Variants in PPIP5K2 observed in about 807,000 individuals in gnomAD.
PPIP5K2 encodes diphosphoinositol pentakisphosphate kinase 2, also known as inositol hexakisphosphate and diphosphoinositol-pentakisphosphate kinase 2.
Under a neutral mutation model 154.6 loss-of-function variants are expected in PPIP5K2, and 105 were observed. That is an observed-to-expected ratio of 0.68 (90% CI 0.58 to 0.80). PPIP5K2 has a LOEUF of 0.80. Among genes scored for constraint, PPIP5K2 ranks in the 30% least tolerant of loss-of-function variants. The probability of loss-of-function intolerance (pLI) is 0.00; values close to 1 mark genes in which losing one functional copy is unlikely to be tolerated. For synonymous variants in PPIP5K2, 480 were observed against 490.3 expected (o/e 0.98, Z 0.28); for missense variants, 992 against 1,504.6 (o/e 0.66, Z 5.64).
chr5:103,127,292 C>T (rs1789857042), intron 1 of PPIP5K2, among the ~76,000 whole-genome samples: 1 of 152,158 alleles, frequency 6.6e-6, no homozygotes, highest in African/African-American at 2.4e-5. Flanking sequence ...CATTTCCTAT[C>T]ATTGCCATTC....
At position 103,190,736 on chromosome 5, in the gene PPIP5K2, G is replaced by A. The variant is rs111661688; in HGVS notation, c.3353-106G>A. 20 of 1,017,528 alleles carry A rather than the reference G, an allele frequency of 2.0e-5. No individual in the cohort carries two copies. The African/African-American group carries it at 2.2e-4, about 11-fold the overall frequency. 63.0% of individuals were successfully genotyped at this position (1,017,528 alleles called of 1,614,324 possible). A position where few individuals can be genotyped will look rare whatever the true frequency, so the allele number is the denominator to read the frequency against. On this transcript the variant is annotated intron_variant, in intron 28 of 30. Coordinates refer to ENST00000358359, the MANE Select transcript of PPIP5K2 (RefSeq NM_001276277.3). ...ATTGTGTGTTTGCATGTGATAGACT[G>A]AAAAGACCTAAACTGTCCAGTTCTA...
intron 1 of PPIP5K2, among the ~76,000 whole-genome samples, chr5:103,126,841 G>A (rs782805990): frequency 2.0e-5 from 3 of 149,840 alleles, no homozygotes; most frequent in Non-Finnish European, 3.0e-5. Context: ...TGCCTTTCCC[G>A]GAACACTGAC....
chr5:103,141,277 G>C (rs928572983), intron 5 of PPIP5K2, among the ~76,000 whole-genome samples: 1 of 151,906 alleles, frequency 6.6e-6, no homozygotes, highest in African/African-American at 2.4e-5. Context: ...TGTCCCTTCC[G>C]ATGTTCAGAT....
chr5:103,185,967 A>T, intron 26 of PPIP5K2, among the ~76,000 whole-genome samples: 1 of 150,784 alleles, frequency 6.6e-6, no homozygotes, highest in South Asian at 2.1e-4. Flanking sequence ...TTGCCCTTGG[A>T]AATTGATTAA....
intron 2 of PPIP5K2, among the ~76,000 whole-genome samples, chr5:103,130,775 T>C (rs997142502): frequency 6.6e-6 from 1 of 152,164 alleles, no homozygotes; most frequent in Admixed American, 6.5e-5. Flanking sequence ...GAAAGCACTA[T>C]TGACTCAGCC....
At chr5:103,138,189 A>T (rs1299381758) in intron 4 of PPIP5K2, among the ~76,000 whole-genome samples, 195 bp from the exon 5 acceptor site, 1 of 152,170 alleles carries the variant, frequency 6.6e-6, no homozygotes, top group African/African-American at 2.4e-5. Flanking sequence ...TTGTGTTCTT[A>T]TTGCTGAATA....
intron 30 of PPIP5K2, among the ~76,000 whole-genome samples, chr5:103,198,086 C>G (rs1554229155): frequency 6.6e-6 from 1 of 151,962 alleles, no homozygotes; most frequent in East Asian, 1.9e-4. Context: ...ATTGTATTTT[C>G]ATTATCATTC....
intron 19 of PPIP5K2, among the ~76,000 whole-genome samples, chr5:103,172,164 A>G (rs1798074084): frequency 6.6e-6 from 1 of 151,508 alleles, no homozygotes; most frequent in Admixed American, 6.6e-5. Flanking sequence ...TAATTCCAAC[A>G]TTTTTCTTTT....
At chr5:103,129,958 CA>C (rs1790345295) in intron 2 of PPIP5K2, among the ~76,000 whole-genome samples, 1 of 151,952 alleles carries the variant, frequency 6.6e-6, no homozygotes, top group African/African-American at 2.4e-5. Flanking sequence ...ACAAAAGTGG[CA>C]AAGAGAAACA....
At chr5:103,153,772 A>G (rs1794991770) in intron 10 of PPIP5K2, 76 bp from the exon 11 acceptor site, 1 of 978,940 alleles carries the variant, frequency 1.0e-6, no homozygotes, top group African/African-American at 1.7e-5. Flanking sequence ...AGATGACTAA[A>G]TGTTCATATT....
intron 23 of PPIP5K2, among the ~76,000 whole-genome samples, chr5:103,178,997 G>A (rs1554221804): frequency 6.6e-6 from 1 of 151,558 alleles, no homozygotes; most frequent in African/African-American, 2.4e-5. Flanking sequence ...TTTATAGCTA[G>A]CAAACTTATA....
At chr5:103,156,990 T>A (rs1375966840) in intron 14 of PPIP5K2, among the ~76,000 whole-genome samples, 1 of 152,166 alleles carries the variant, frequency 6.6e-6, no homozygotes, top group Admixed American at 6.5e-5. Flanking sequence ...GTTAATTTTC[T>A]ATATCTTAGT....
In PPIP5K2 at chr5:103,183,278, C is replaced by G. The variant is rs1554223680; in HGVS notation, c.2967C>G (p.Thr989=). ...TGTCTAGCCCAGAGGGTACTGGTAC[C>G]TGGCTGCATTATACCAGTGGTGTGG... is the stretch of plus-strand genomic sequence containing the variant. ...LSVSSPEGTG[T]WLHYTSGVGT... Residue 989 remains threonine (T), a synonymous_variant, in exon 25 of 31, where the codon ACC becomes ACG. Coordinates refer to ENST00000358359, the MANE Select transcript of PPIP5K2 (RefSeq NM_001276277.3). 2.0e-6 allele frequency: 3 copies of G among 1,464,162 alleles called. No individual in the cohort carries two copies. Among genetic ancestry groups the G allele is most frequent in the Non-Finnish European group, 2.7e-6 (3 of 1,099,094 alleles). 90.7% of individuals were successfully genotyped at this position (1,464,162 alleles called of 1,614,324 possible). A position where few individuals can be genotyped will look rare whatever the true frequency, so the allele number is the denominator to read the frequency against.
intron 2 of PPIP5K2, 43 bp downstream of exon 2, chr5:103,129,746 G>A (rs1554202104): frequency 1.3e-6 from 2 of 1,510,264 alleles, no homozygotes; most frequent in East Asian, 4.8e-5. Context: ...GACCAATACA[G>A]TATAGGCTTT....
At position 103,158,459 on chromosome 5, in the gene PPIP5K2, T is replaced by C. The variant is rs1458670185; in HGVS notation, c.1623T>C (p.Tyr541=). 1 of 1,603,942 alleles carries C rather than the reference T, an allele frequency of 6.2e-7. No homozygotes were observed. Among genetic ancestry groups the C allele is most frequent in the Non-Finnish European group, 8.5e-7 (1 of 1,177,594 alleles). ...RCMYPGGQGD[Y]AGFPGCGLLR... Reference sequence around the variant, plus strand: ...TTGAGGATTTATTTTCAGGAGATTATGCAGGATTTCCTGGTTGTGGTTTAC... The same window carrying C: ...TTGAGGATTTATTTTCAGGAGATTACGCAGGATTTCCTGGTTGTGGTTTAC... Residue 541 remains tyrosine, a synonymous_variant, in exon 16 of 31, where the codon TAT becomes TAC. Transcript: ENST00000358359.
Position 103,133,649 on chromosome 5 carries a change from G to T in PPIP5K2, c.310+1G>T. 3 of 1,575,548 alleles carry T rather than the reference G, an allele frequency of 1.9e-6. No homozygotes were observed. The highest frequency in any genetic ancestry group is 2.6e-6 in the Non-Finnish European group (3 of 1,164,508). On this transcript the variant is annotated splice_donor_variant, in intron 3 of 30. Transcript: ENST00000358359. LOFTEE classifies it high-confidence loss of function. ...TGTCTTATTTCTTTCCATTCTAAAG[G>T]TATTAAGGGGAGTGGGGGAGAAACT... is the stretch of plus-strand genomic sequence containing the variant.
intron 5 of PPIP5K2, among the ~76,000 whole-genome samples, chr5:103,142,526 A>C (rs1016162618): frequency 1.5e-4 from 23 of 152,218 alleles, no homozygotes; most frequent in African/African-American, 5.5e-4. Flanking sequence ...AGCGCCGCCA[A>C]AGTGGAAGCC....
At chr5:103,171,257 G>A (rs1290770849) in intron 19 of PPIP5K2, among the ~76,000 whole-genome samples, 1 of 151,386 alleles carries the variant, frequency 6.6e-6, no homozygotes, top group African/African-American at 2.4e-5. Flanking sequence ...ATGCTTTATA[G>A]CCATGATGGT....
chr5:103,124,215 G>T (rs1475045576), intron 1 of PPIP5K2, among the ~76,000 whole-genome samples: 1 of 149,580 alleles, frequency 6.7e-6, no homozygotes, highest in Non-Finnish European at 1.5e-5. Flanking sequence ...GGGAGGAGGA[G>T]CTTGTAGTGA....
Sources: gnomAD v4.1 joint callset for allele counts (sites outside exome capture counted in the v4.1 genomes callset) on GRCh38, gnomAD v4.1.1 for gene constraint, MANE v1.5 for transcripts, NCBI Gene and HGNC (gene_info 2026-07-23, HGNC 2026-07-21) for gene names.